CACNA1G: variants seen among roughly 807,000 people sequenced by gnomAD.
CACNA1G encodes calcium voltage-gated channel subunit alpha1 G.
Under a neutral mutation model 219.4 loss-of-function variants are expected in CACNA1G, and 67 were observed. That is an observed-to-expected ratio of 0.31 (90% CI 0.25 to 0.37). CACNA1G has a LOEUF of 0.37. Among genes scored for constraint, CACNA1G ranks in the 10% least tolerant of loss-of-function variants. CACNA1G has a pLI of 1.00. For synonymous variants in CACNA1G, 1,296 were observed against 1,345.3 expected (o/e 0.96, Z 0.80); for missense variants, 2,380 against 3,231.4 (o/e 0.74, Z 6.39).
At position 50,621,868 on chromosome 17, in the gene CACNA1G, A is replaced by C; in HGVS notation, c.6060+74A>C. Reference sequence around the variant, plus strand: ...TGGCTGCAGGGCTCCAGATCGGCCCAGGGAGGGTCCTGGGGCCGCCTCCTC... The same window carrying C: ...TGGCTGCAGGGCTCCAGATCGGCCCCGGGAGGGTCCTGGGGCCGCCTCCTC... On this transcript the variant is annotated intron_variant, in intron 35 of 37. Transcript: ENST00000359106. The surrounding 1 kb of genome is among the most constrained non-coding windows in gnomAD (Gnocchi z 4.6). 1 of 1,554,212 alleles carries C rather than the reference A, an allele frequency of 6.4e-7. No homozygotes were observed. The highest frequency in any genetic ancestry group is 8.8e-7 in the Non-Finnish European group (1 of 1,137,532).
chr17:50,613,487 G>A (rs1598673036), intron 26 of CACNA1G, among the ~76,000 whole-genome samples: 3 of 152,214 alleles, frequency 2.0e-5, no homozygotes, highest in African/African-American at 7.2e-5. Flanking sequence ...CAGACTCCTA[G>A]TGCAAGGCCA....
intron 1 of CACNA1G, among the ~76,000 whole-genome samples, chr17:50,566,590 G>A (rs1204832798): frequency 1.3e-5 from 2 of 152,244 alleles, no homozygotes; most frequent in South Asian, 2.1e-4. Context: ...CCTCTGTGAG[G>A]TCACTTCTGT....
rs769267790 is a variant in CACNA1G at position 50,626,910 on chromosome 17, C to T, written c.*159C>T. On this transcript the variant is annotated 3_prime_UTR_variant, in exon 38 of 38. Transcript: ENST00000359106. The surrounding 1 kb of genome is among the most constrained non-coding windows in gnomAD (Gnocchi z 4.3). ...TCTGGGTACCTGCAAGCAGAACTTC[C>T]AAAGAGAGTTAAAAGCAGCAGCCCC... The T allele has an allele frequency of 1.1e-6, 1 of 944,340 alleles. No homozygotes were observed. Among genetic ancestry groups the T allele is most frequent in the East Asian group, 2.4e-5 (1 of 41,362 alleles). The allele number at this position is 944,340 out of a possible 1,614,324, so 58.5% of individuals were successfully genotyped here.
intron 22 of CACNA1G, 81 bp downstream of exon 22, chr17:50,604,362 AGCTGCTGTT>A (rs771864985): frequency 9.8e-6 from 15 of 1,524,394 alleles, no homozygotes; most frequent in Non-Finnish European, 1.3e-5. Flanking sequence ...CTATGGCTCA[AGCTGCTGTT>A]GCTGCCTTCA....
intron 17 of CACNA1G, 109 bp downstream of exon 17, chr17:50,599,968 T>C: frequency 6.4e-6 from 7 of 1,094,398 alleles, no homozygotes; most frequent in Non-Finnish European, 9.0e-6. Flanking sequence ...CCACGGAATA[T>C]CAAGGGGCAC....
chr17:50,561,828 G>A (rs376729679), intron 1 of CACNA1G, 127 bp downstream of exon 1: 3 of 778,076 alleles, frequency 3.9e-6, no homozygotes, highest in East Asian at 3.2e-5. Flanking sequence ...AGGCGGATGG[G>A]GGGGGGGCTG....
intron 13 of CACNA1G, among the ~76,000 whole-genome samples, chr17:50,592,920 G>C (rs779957907): frequency 6.6e-6 from 1 of 152,162 alleles, no homozygotes; most frequent in Non-Finnish European, 1.5e-5. Context: ...CCTGGCACAC[G>C]GTGGAAAAAC....
At chr17:50,594,755 C>A (rs1031170311) in intron 13 of CACNA1G, among the ~76,000 whole-genome samples, 1 of 152,106 alleles carries the variant, frequency 6.6e-6, no homozygotes, top group Admixed American at 6.5e-5. Context: ...TGCCCTTGTC[C>A]CCATCTTTTT....
At chr17:50,606,277 GC>G (rs1344312974) in intron 23 of CACNA1G, 2 of 714,360 alleles carry the variant, frequency 2.8e-6, no homozygotes, top group African/African-American at 1.8e-5. Context: ...TAAGGGGCTT[GC>G]CCAGGGCCAC....
intron 9 of CACNA1G, among the ~76,000 whole-genome samples, chr17:50,590,134 A>G (rs563265454): frequency 5.9e-5 from 9 of 152,222 alleles, no homozygotes; most frequent in African/African-American, 2.2e-4. Context: ...CTAGGCTTGC[A>G]TTGTAGCCTA....
intron 7 of CACNA1G, chr17:50,573,371 C>G (rs971898730): frequency 1.3e-5 from 5 of 390,912 alleles, no homozygotes; most frequent in African/African-American, 1.0e-4. Flanking sequence ...CTCTGGGCCT[C>G]TGTTTCTTCA....
In CACNA1G at chr17:50,605,422, C is replaced by T. The variant is rs145011311; in HGVS notation, c.4297-476C>T. Among the ~76,000 whole-genome samples the T allele has an allele frequency of 2.8e-3, 433 of 152,306 alleles. 2 individuals carry two copies. The highest frequency in any genetic ancestry group is 9.7e-3 in the African/African-American group (403 of 41,562). On this transcript the variant is annotated intron_variant, in intron 22 of 37. Coordinates refer to ENST00000359106, the MANE Select transcript of CACNA1G (RefSeq NM_018896.5). The stretch of plus-strand genomic sequence containing the variant: ...GGGGTTGATGATACCCACTCCCCCA[C>T]CCAGAGCTGCTGTGAGAATTAAATG...
intron 36 of CACNA1G, 36 bp from the exon 37 acceptor site, chr17:50,624,324 T>TCCCCCCCCCCCCCCCCCCCCCC: frequency 8.5e-7 from 1 of 1,177,660 alleles, no homozygotes; most frequent in Non-Finnish European, 1.2e-6. Flanking sequence ...CTCCATTCTC[T>TCCCCCCCCCCCCCCCCCCCCCC]CCCCCCACCC....
At chr17:50,565,476 G>A (rs753589052) in intron 1 of CACNA1G, among the ~76,000 whole-genome samples, 4 of 152,024 alleles carry the variant, frequency 2.6e-5, no homozygotes, top group Non-Finnish European at 5.9e-5. Context: ...TGCCGAATCC[G>A]ATAGACACCA....
chr17:50,604,114 G>T (rs2047418338), intron 21 of CACNA1G, 41 bp from the exon 22 acceptor site: 5 of 1,598,186 alleles, frequency 3.1e-6, no homozygotes, highest in Non-Finnish European at 4.3e-6. Context: ...GAGGGTCTGG[G>T]CTGGGGGAAG....
At position 50,571,952 on chromosome 17, in the gene CACNA1G, GTCT is replaced by G. The variant is rs730882202; in HGVS notation, c.667_669del (p.Phe223del). ...CAACGTCCTGCTGCTCTGCTTCTTCGTCTTCTTCATCTTCGGCATCGTCGGCGT... is the reference window on the plus strand; with the variant it reads ...CAACGTCCTGCTGCTCTGCTTCTTCGTCTTCATCTTCGGCATCGTCGGCGT... On this transcript the variant is annotated inframe_deletion, in exon 5 of 38. Coordinates refer to ENST00000359106, the MANE Select transcript of CACNA1G (RefSeq NM_018896.5). This position sits in a 1 kb window ranked among gnomAD's most constrained non-coding sequence, Gnocchi z 4.3. 6.2e-7 allele frequency: 1 copy of G among 1,613,960 alleles called. No homozygotes were observed. The highest frequency in any genetic ancestry group is 8.5e-7 in the Non-Finnish European group (1 of 1,179,852).
chr17:50,566,975 C>G (rs986737452), intron 1 of CACNA1G, among the ~76,000 whole-genome samples: 7 of 152,326 alleles, frequency 4.6e-5, no homozygotes, highest in African/African-American at 1.7e-4. Context: ...CACTGGGGCT[C>G]CTTCCAGACC....
intron 8 of CACNA1G, among the ~76,000 whole-genome samples, chr17:50,577,860 T>G (rs1023225040): frequency 3.3e-5 from 5 of 152,142 alleles, no homozygotes; most frequent in African/African-American, 9.7e-5. Flanking sequence ...AGTCCTGGCT[T>G]CTGGGAAGGG....
rs1248077475 is a variant in CACNA1G at position 50,627,073 on chromosome 17, T to C, written c.*322T>C. 7.9e-6 allele frequency: 4 copies of C among 509,384 alleles called. No homozygotes were observed. Among genetic ancestry groups the C allele is most frequent in the African/African-American group, 7.7e-5 (4 of 52,162 alleles). 31.6% of individuals were successfully genotyped at this position (509,384 alleles called of 1,614,324 possible). Reference sequence around the variant, plus strand: ...TTTATTAAATTAATTGAATCTAGTATATGCGGGATGTACGACATTTTGTGA... The same window carrying C: ...TTTATTAAATTAATTGAATCTAGTACATGCGGGATGTACGACATTTTGTGA... On this transcript the variant is annotated 3_prime_UTR_variant, in exon 38 of 38. Coordinates refer to ENST00000359106, the MANE Select transcript of CACNA1G (RefSeq NM_018896.5).
Sources: gnomAD v4.1 joint callset for allele counts (sites outside exome capture counted in the v4.1 genomes callset) on GRCh38, gnomAD v4.1.1 for gene constraint, Gnocchi (gnomAD v3.1) non-coding constraint, MANE v1.5 for transcripts, NCBI Gene and HGNC (gene_info 2026-07-23, HGNC 2026-07-21) for gene names.